Variants in CLIP4 observed in about 807,000 individuals in gnomAD.
CLIP4 encodes CAP-Gly domain containing linker protein family member 4.
Under a neutral mutation model 73.1 loss-of-function variants are expected in CLIP4, and 47 were observed. That is an observed-to-expected ratio of 0.64 (90% CI 0.51 to 0.82). CLIP4 has a LOEUF of 0.82. CLIP4 is among the 40% of genes least tolerant of loss of function. CLIP4 has a pLI of 0.00. For synonymous variants in CLIP4, 306 were observed against 295.4 expected (o/e 1.04, Z -0.37); for missense variants, 874 against 852.9 (o/e 1.02, Z -0.31).
chr2:29,174,541 C>T, intron 15 of CLIP4, 96 bp downstream of exon 15: 1 of 1,504,918 alleles, frequency 6.6e-7, no homozygotes, highest in South Asian at 1.3e-5. Context: ...TTTTGCATTG[C>T]TTGGTAGAGT....
At chr2:29,161,056 C>T (rs1325542380) in intron 12 of CLIP4, among the ~76,000 whole-genome samples, 1 of 152,098 alleles carries the variant, frequency 6.6e-6, no homozygotes, top group African/African-American at 2.4e-5. Flanking sequence ...CTCACCGCAA[C>T]CTCTGCCTCC....
At chr2:29,145,182 T>TG in intron 7 of CLIP4, 50 bp from the exon 8 acceptor site, 1 of 1,531,324 alleles carries the variant, frequency 6.5e-7, no homozygotes, top group Non-Finnish European at 9.0e-7. Flanking sequence ...GTAGGACCCT[T>TG]GGAATTACTA....
At chr2:29,128,128 T>C (rs1572897737) in intron 2 of CLIP4, among the ~76,000 whole-genome samples, 1 of 152,148 alleles carries the variant, frequency 6.6e-6, no homozygotes, top group East Asian at 1.9e-4. Context: ...GCCTAGTTAG[T>C]TTCACATTTA....
At chr2:29,117,097 T>G (rs959971977) in intron 1 of CLIP4, among the ~76,000 whole-genome samples, 1 of 152,222 alleles carries the variant, frequency 6.6e-6, no homozygotes, top group Non-Finnish European at 1.5e-5. Flanking sequence ...GTGTTAACCT[T>G]TATTTGTGTC....
chr2:29,105,735 T>G (rs958022327), intron 1 of CLIP4, among the ~76,000 whole-genome samples: 10 of 151,606 alleles, frequency 6.6e-5, no homozygotes, highest in Non-Finnish European at 1.5e-4. Flanking sequence ...TGGAATTAAC[T>G]GTTTTTATAA....
chr2:29,156,884 C>T (rs924909553), intron 10 of CLIP4, among the ~76,000 whole-genome samples: 1 of 150,188 alleles, frequency 6.7e-6, no homozygotes, highest in Non-Finnish European at 1.5e-5. Flanking sequence ...AAAGGGGACT[C>T]TACTATGTCA....
chr2:29,168,273 A>T (rs950822267), intron 14 of CLIP4, among the ~76,000 whole-genome samples: 1 of 152,146 alleles, frequency 6.6e-6, no homozygotes, highest in Admixed American at 6.5e-5. Context: ...TTCCTCTATT[A>T]TGAAGTACCT....
chr2:29,131,291 G>T lies in CLIP4; in HGVS notation c.167G>T (p.Cys56Phe), dbSNP rs767766211. 1.9e-6 allele frequency: 3 copies of T among 1,608,694 alleles called. No homozygotes were observed. Among genetic ancestry groups the T allele is most frequent in the East Asian group, 4.5e-5 (2 of 44,638 alleles). Reference sequence around the variant, plus strand: ...TTCTTTGATCCTAATGATGCATCATGCCAGGAAATTCTTTTTGATCCCAAA... The same window carrying T: ...TTCTTTGATCCTAATGATGCATCATTCCAGGAAATTCTTTTTGATCCCAAA... ...FSFFDPNDAS[C>F]QEILFDPKTS... Residue 56 changes from cysteine (C) to phenylalanine (F), a missense_variant, in exon 3 of 16, where the codon TGC (cysteine) becomes TTC (phenylalanine). By Grantham distance (205) the Cys-to-Phe change is radical (BLOSUM62 -2). Transcript: ENST00000320081.
intron 1 of CLIP4, among the ~76,000 whole-genome samples, chr2:29,118,885 C>A (rs560407632): frequency 1.3e-5 from 2 of 152,044 alleles, no homozygotes; most frequent in South Asian, 4.2e-4. Context: ...CACCAGTTAA[C>A]CATAGTTGGA....
chr2:29,174,149 C>G lies in CLIP4; in HGVS notation c.1724-224C>G, dbSNP rs114444439. Among the ~76,000 whole-genome samples the G allele has an allele frequency of 8.6e-3, 1,305 of 152,028 alleles. 21 individuals are homozygous for G. Among genetic ancestry groups the G allele is most frequent in the African/African-American group, 0.029 (1,222 of 41,446 alleles). ...CTTTTTTTTTAATGAGATAGGATCT[C>G]ACTCTATTGCCCAGGCTGGTCTTGA... On this transcript the variant is annotated intron_variant, in intron 14 of 15. Transcript: ENST00000320081.
intron 11 of CLIP4, among the ~76,000 whole-genome samples, chr2:29,158,092 T>C (rs1667045809): frequency 6.6e-6 from 1 of 152,166 alleles, no homozygotes; most frequent in South Asian, 2.1e-4. Context: ...ACAATAACAT[T>C]GACATAATAA....
rs1288608551 is a variant in CLIP4 at position 29,163,952 on chromosome 2, A to G, written c.1656A>G (p.Gln552=). ...YGIFAPPSRV[Q]RVTDSLDTLS... ...TATTTGCTCCCCCATCCAGGGTGCAAAGGTGAGAGAATGAAATTTATGTTT... is the reference window on the plus strand; with the variant it reads ...TATTTGCTCCCCCATCCAGGGTGCAGAGGTGAGAGAATGAAATTTATGTTT... Residue 552 remains glutamine (Q), a splice_region_variant and synonymous_variant, in exon 13 of 16, where the codon CAA becomes CAG. Coordinates refer to ENST00000320081, the MANE Select transcript of CLIP4 (RefSeq NM_024692.6). The G allele has an allele frequency of 3.1e-6, 5 of 1,609,868 alleles. No individual in the cohort carries two copies. The highest frequency in any genetic ancestry group is 1.3e-5 in the African/African-American group (1 of 74,656).
chr2:29,117,725 T>G (rs1663963493), intron 1 of CLIP4, among the ~76,000 whole-genome samples: 1 of 152,210 alleles, frequency 6.6e-6, no homozygotes, highest in African/African-American at 2.4e-5. Context: ...AAGCCTTCGT[T>G]GACCCTCTTG....
intron 4 of CLIP4, 38 bp from the exon 5 acceptor site, chr2:29,133,617 T>C: frequency 6.4e-7 from 1 of 1,570,384 alleles, no homozygotes; most frequent in Non-Finnish European, 8.6e-7. Flanking sequence ...AACTTAAAAT[T>C]TGTACTAAAG....
intron 2 of CLIP4, 48 bp from the exon 3 acceptor site, chr2:29,131,206 ATATT>A: frequency 1.5e-6 from 2 of 1,355,316 alleles, no homozygotes; most frequent in Admixed American, 2.2e-5. Flanking sequence ...TATTTTCAAT[ATATT>A]TATTTGAAAC....
intron 1 of CLIP4, among the ~76,000 whole-genome samples, chr2:29,101,319 A>G (rs910995930): frequency 6.6e-6 from 1 of 151,752 alleles, no homozygotes; most frequent in Non-Finnish European, 1.5e-5. Flanking sequence ...AAAGAAAAAA[A>G]AAAAAAGTAG....
chr2:29,181,718 T>A lies in CLIP4; in HGVS notation c.1943T>A (p.Phe648Tyr). The A allele has an allele frequency of 1.9e-6, 3 of 1,614,108 alleles. 1 individual carries two copies. In the South Asian group the frequency reaches 3.3e-5, roughly 18 times the overall value. ...GTVRYVGPTD[F>Y]ASGIWLGLEL... is the part of the protein sequence containing the mutation. ...GTTAGGTATGTGGGCCCCACTGACT[T>A]TGCTTCAGGTATCTGGCTTGGACTT... is the stretch of plus-strand genomic sequence containing the variant. Residue 648 changes from phenylalanine to tyrosine, a missense_variant, in exon 16 of 16, where the codon TTT becomes TAT. By Grantham distance (22) the Phe-to-Tyr change is conservative (BLOSUM62 3). Transcript: ENST00000320081.
At chr2:29,099,416 G>GT (rs1667975307) in intron 1 of CLIP4, among the ~76,000 whole-genome samples, 1 of 152,128 alleles carries the variant, frequency 6.6e-6, no homozygotes, top group African/African-American at 2.4e-5. Context: ...TCATTTATTC[G>GT]TATGTGGTTG....
At chr2:29,154,533 G>A (rs938951553) in intron 9 of CLIP4, among the ~76,000 whole-genome samples, 4 of 152,096 alleles carry the variant, frequency 2.6e-5, no homozygotes, top group African/African-American at 9.7e-5. Flanking sequence ...GGCCCCAGAG[G>A]CACAATCAGT....
Sources: gnomAD v4.1 joint callset for allele counts (sites outside exome capture counted in the v4.1 genomes callset) on GRCh38, gnomAD v4.1.1 for gene constraint, MANE v1.5 for transcripts, NCBI Gene and HGNC (gene_info 2026-07-23, HGNC 2026-07-21) for gene names.